The following WWOX variants were observed in gnomAD, a reference collection of about 807,000 sequenced individuals.
WWOX encodes the protein WW domain containing oxidoreductase, also known as WW domain-containing oxidoreductase.
A neutral mutation model predicts 46.2 loss-of-function variants in WWOX; 69 were observed. The ratio of observed to expected loss-of-function variants is 1.49; its 90% confidence interval spans 1.23 to 1.82. WWOX has a LOEUF of 1.82. WWOX is among the 40% of genes most tolerant of loss of function. WWOX has a pLI of 0.00. For missense variants in WWOX, 919 were observed against 542.6 expected (o/e 1.69, Z -6.89); for synonymous variants, 359 against 202.6 (o/e 1.77, Z -6.56).
chr16:79,199,383 A>T (rs1311813073), intron 8 of WWOX, among the ~76,000 whole-genome samples: 1 of 152,058 alleles, frequency 6.6e-6, no homozygotes, highest in Non-Finnish European at 1.5e-5. Context: ...TTAACTGGGG[A>T]TAATGTGTGC....
At chr16:78,734,367 C>A (rs980887066) in intron 8 of WWOX, among the ~76,000 whole-genome samples, 1 of 152,114 alleles carries the variant, frequency 6.6e-6, no homozygotes, top group Admixed American at 6.5e-5. Flanking sequence ...ATTTATATCG[C>A]TGTTTGGCCC....
At chr16:78,261,001 G>C (rs1422358881) in intron 5 of WWOX, among the ~76,000 whole-genome samples, 1 of 148,888 alleles carries the variant, frequency 6.7e-6, no homozygotes, top group Non-Finnish European at 1.5e-5. Context: ...AATAATGAAA[G>C]TATGAAATTT....
At chr16:78,951,349 A>C (rs1478262970) in intron 8 of WWOX, among the ~76,000 whole-genome samples, 1 of 152,162 alleles carries the variant, frequency 6.6e-6, no homozygotes, top group Non-Finnish European at 1.5e-5. Context: ...AGCTTCAAGC[A>C]AGAGTCCCAC....
intron 8 of WWOX, among the ~76,000 whole-genome samples, chr16:78,750,475 A>G (rs536331329): frequency 6.6e-6 from 1 of 152,228 alleles, no homozygotes; most frequent in African/African-American, 2.4e-5. Flanking sequence ...ACTGGGATTT[A>G]TTTTATTTTA....
intron 5 of WWOX, among the ~76,000 whole-genome samples, chr16:78,190,959 A>G (rs933343267): frequency 6.6e-6 from 1 of 152,112 alleles, no homozygotes; most frequent in African/African-American, 2.4e-5. Context: ...GACTTTCTCA[A>G]GGACCTTTAC....
At chr16:78,914,132 A>G (rs1216834667) in intron 8 of WWOX, among the ~76,000 whole-genome samples, 3 of 152,048 alleles carry the variant, frequency 2.0e-5, no homozygotes, top group Non-Finnish European at 2.9e-5. Flanking sequence ...TTTCCTGGCT[A>G]TCCTGTCCAA....
Position 78,131,621 on chromosome 16 carries a change from G to A in WWOX, c.409+16467G>A, listed in dbSNP as rs144048321. On this transcript the variant is annotated intron_variant, in intron 4 of 8. Transcript: ENST00000566780. ...TTTTGAGATGGAGTCTCACTCTGTC[G>A]CCCAGGATGGAGTGCAATGGCCCGA... 1.0e-3 allele frequency among the ~76,000 whole-genome samples: 156 copies of A among 151,432 alleles called. 1 individual carries two copies. Among genetic ancestry groups the A allele is most frequent in the African/African-American group, 3.6e-3 (150 of 41,232 alleles).
intron 8 of WWOX, among the ~76,000 whole-genome samples, chr16:78,737,264 T>C (rs185214953): frequency 2.1e-3 from 316 of 151,648 alleles, no homozygotes; most frequent in Middle Eastern, 3.4e-3. Flanking sequence ...CATACTTCGC[T>C]AATTTTTGTA....
rs546340372 is a variant in WWOX, at chr16:79,171,412, T to C, written c.1057-40196T>C. ...TATACACCCTTTCCATTATTAGCTCTCTCCATTTTTAATGAAAACAGTGGT... is the reference window on the plus strand; with the variant it reads ...TATACACCCTTTCCATTATTAGCTCCCTCCATTTTTAATGAAAACAGTGGT... On this transcript the variant is annotated intron_variant, in intron 8 of 8. Transcript: ENST00000566780. 1.7e-4 allele frequency among the ~76,000 whole-genome samples: 26 copies of C among 152,338 alleles called. No homozygotes were observed. In the South Asian group the frequency reaches 3.9e-3, roughly 23 times the overall value.
At chr16:78,619,133 T>TTAAAAAAAAAAAAAAAAAAAA (rs2046105386) in intron 8 of WWOX, among the ~76,000 whole-genome samples, 1 of 4,094 alleles carries the variant, frequency 2.4e-4, no homozygotes, top group African/African-American at 6.2e-4. Flanking sequence ...CCATTTCTAC[T>TTAAAAAAAAAAAAAAAAAAAA]AAAAAAAAAA....
chr16:78,534,565 A>T (rs1454268808), intron 8 of WWOX: 1 of 152,204 alleles, frequency 6.6e-6, no homozygotes. Context: ...TATGACAAAC[A>T]TTCTGGAAAT....
At chr16:78,444,827 G>A (rs2083521884) in intron 8 of WWOX, among the ~76,000 whole-genome samples, 2 of 152,140 alleles carry the variant, frequency 1.3e-5, no homozygotes, top group Admixed American at 6.5e-5. Context: ...ACCGCACCCG[G>A]CCTATGAGGA....
At chr16:78,722,034 A>T (rs907407748) in intron 8 of WWOX, among the ~76,000 whole-genome samples, 3 of 152,352 alleles carry the variant, frequency 2.0e-5, no homozygotes, top group South Asian at 2.1e-4. Context: ...GGTATTTTGC[A>T]TATTAATACT....
At chr16:79,009,877 G>A (rs2047268840) in intron 8 of WWOX, among the ~76,000 whole-genome samples, 2 of 152,216 alleles carry the variant, frequency 1.3e-5, no homozygotes. Context: ...GTTGGAGAGA[G>A]TGAGTCCTGA....
chr16:78,984,755 C>A (rs1310632406), intron 8 of WWOX, among the ~76,000 whole-genome samples: 1 of 152,176 alleles, frequency 6.6e-6, no homozygotes, highest in Non-Finnish European at 1.5e-5. Context: ...CTTTCTTCGT[C>A]CTCTTTTCGT....
chr16:78,946,891 A>C (rs2045959735), intron 8 of WWOX, among the ~76,000 whole-genome samples: 1 of 152,090 alleles, frequency 6.6e-6, no homozygotes, highest in Non-Finnish European at 1.5e-5. Flanking sequence ...TCACACGATG[A>C]CCTTCTCAGA....
intron 4 of WWOX, among the ~76,000 whole-genome samples, chr16:78,143,275 T>C (rs1158747890): frequency 6.6e-6 from 1 of 152,240 alleles, no homozygotes; most frequent in Non-Finnish European, 1.5e-5. Context: ...TCCACATGGG[T>C]TCTGAACTTG....
intron 5 of WWOX, among the ~76,000 whole-genome samples, chr16:78,200,287 G>A (rs2036191452): frequency 6.6e-6 from 1 of 151,894 alleles, no homozygotes; most frequent in Non-Finnish European, 1.5e-5. Context: ...AGTTGTCTGG[G>A]TTTGTTTTAA....
chr16:78,186,585 G>A (rs1466691642), intron 5 of WWOX, among the ~76,000 whole-genome samples: 2 of 152,106 alleles, frequency 1.3e-5, no homozygotes, highest in Non-Finnish European at 2.9e-5. Flanking sequence ...CCAATATGGC[G>A]AAACCCTGTC....
Sources: allele counts gnomAD v4.1 joint callset (sites outside exome capture counted in the v4.1 genomes callset), GRCh38; gene constraint gnomAD v4.1.1; transcripts MANE v1.5; gene names NCBI Gene and HGNC (gene_info 2026-07-23, HGNC 2026-07-21).